SVOP: variants seen among roughly 807,000 people sequenced by gnomAD.
SVOP encodes SV2 related protein.
In SVOP, 17 loss-of-function variants were observed where a neutral mutation model predicts 69.1. The ratio of observed to expected loss-of-function variants is 0.25; its 90% CI spans 0.17 to 0.37. SVOP has a LOEUF of 0.37. SVOP is among the 10% of genes least tolerant of loss of function. The probability of loss-of-function intolerance (pLI) is 1.00; values close to 1 mark genes in which losing one functional copy is unlikely to be tolerated. For missense variants in SVOP, 435 were observed against 597.5 expected, an observed-to-expected ratio of 0.73 and a Z score of 2.84; for synonymous variants, 238 against 238.6, an observed-to-expected ratio of 1.00 and a Z score of 0.02.
chr12:108,978,427 A>G (rs1027291762), intron 3 of SVOP, 151 bp downstream of exon 3: 1 of 579,214 alleles, frequency 1.7e-6, no homozygotes, highest in African/African-American at 1.9e-5. Flanking sequence ...CGTTATCACC[A>G]CTTATTACGC....
intron 1 of SVOP, among the ~76,000 whole-genome samples, chr12:109,010,472 C>A (rs1466105075): frequency 6.6e-6 from 1 of 152,174 alleles, no homozygotes; most frequent in Non-Finnish European, 1.5e-5. Flanking sequence ...GGCCTCTTTT[C>A]AAGGAGACTT....
chr12:108,955,588 C>T (rs1181708136), intron 6 of SVOP, among the ~76,000 whole-genome samples: 2 of 152,216 alleles, frequency 1.3e-5, no homozygotes, highest in Non-Finnish European at 2.9e-5. Flanking sequence ...ACCATCCTTC[C>T]AGCCTCCCAA....
intron 5 of SVOP, among the ~76,000 whole-genome samples, chr12:108,969,237 C>G (rs888141007): frequency 4.0e-5 from 6 of 151,582 alleles, no homozygotes; most frequent in Admixed American, 2.0e-4. Context: ...TCCTTCCTTC[C>G]CTCCTCCTTC....
chr12:108,914,535 T>C (rs1222655347), intron 15 of SVOP, among the ~76,000 whole-genome samples: 1 of 152,196 alleles, frequency 6.6e-6, no homozygotes, highest in African/African-American at 2.4e-5. Flanking sequence ...TTTATTTGTT[T>C]TCCACTAAAT....
rs1051128437 is a variant in SVOP at position 108,908,966 on chromosome 12, C to T, written c.*3569G>A. 12 of 152,148 alleles carry T rather than the reference C, an allele frequency of 7.9e-5. No homozygotes were observed. The highest frequency in any genetic ancestry group is 2.9e-4 in the African/African-American group (12 of 41,428). The allele number at this position is 152,148 out of a possible 1,614,324, so 9.4% of individuals were successfully genotyped here. A position where few individuals can be genotyped will look rare whatever the true frequency, so the allele number is the denominator to read the frequency against. ...TCTGCCAGGGGACTTCCTTTTCTAA[C>T]CAAAACCAACAGACTCTTCTGAAAG... On this transcript the variant is annotated 3_prime_UTR_variant, in exon 16 of 16. Transcript: ENST00000610966.
chr12:108,989,587 T>A lies in SVOP; in HGVS notation c.36-5826A>T, dbSNP rs373376088. ...GCTGTTACACCCTCATATGAGTCAG[T>A]CCTTGGCCACACCACCCCCAGCAGT... On this transcript the variant is annotated intron_variant, in intron 1 of 15. Transcript: ENST00000610966. Among the ~76,000 whole-genome samples, 52 of 152,114 alleles carry A rather than the reference T, an allele frequency of 3.4e-4. No individual in the cohort carries two copies. The East Asian group carries it at 8.7e-3, about 26-fold the overall frequency.
chr12:108,974,359 G>T (rs978677976), intron 4 of SVOP, among the ~76,000 whole-genome samples: 1 of 152,086 alleles, frequency 6.6e-6, no homozygotes, highest in Admixed American at 6.6e-5. Flanking sequence ...GTGGTCTATT[G>T]TGTACTACTA....
chr12:108,966,866 GTGGACCC>G (rs2040048637), intron 5 of SVOP, among the ~76,000 whole-genome samples: 1 of 152,200 alleles, frequency 6.6e-6, no homozygotes, highest in Admixed American at 6.5e-5. Context: ...GGTTAAGGAT[GTGGACCC>G]TGGAGCCAGG....
At chr12:108,950,357 G>A (rs144361687) in intron 6 of SVOP, among the ~76,000 whole-genome samples, 5,260 of 150,620 alleles carry the variant, frequency 0.035, 611 homozygotes, top group Admixed American at 0.22. Context: ...GGAACTACAG[G>A]CATGAGCCAC....
At chr12:108,967,327 C>T (rs1283501920) in intron 5 of SVOP, among the ~76,000 whole-genome samples, 2 of 151,940 alleles carry the variant, frequency 1.3e-5, no homozygotes, top group East Asian at 1.9e-4. Flanking sequence ...GGTGAAACCC[C>T]GTCTCTACTA....
chr12:108,984,138 G>A (rs1286085080), intron 1 of SVOP, among the ~76,000 whole-genome samples: 2 of 152,058 alleles, frequency 1.3e-5, no homozygotes, highest in Non-Finnish European at 2.9e-5. Flanking sequence ...GTCATGTTAG[G>A]CCCACAAAAA....
At chr12:109,014,526 C>T (rs1007493592) in intron 1 of SVOP, among the ~76,000 whole-genome samples, 12 of 152,138 alleles carry the variant, frequency 7.9e-5, no homozygotes, top group African/African-American at 2.4e-4. Context: ...CTCTTCAATA[C>T]CCTGCTTCCC....
intron 15 of SVOP, among the ~76,000 whole-genome samples, chr12:108,913,643 G>C (rs1366281530): frequency 5.3e-5 from 8 of 152,078 alleles, no homozygotes. Context: ...ACACGGCAGA[G>C]CTGAGTCCCA....
intron 1 of SVOP, among the ~76,000 whole-genome samples, chr12:108,988,544 C>T (rs940769978): frequency 5.3e-5 from 8 of 152,194 alleles, no homozygotes; most frequent in African/African-American, 1.4e-4. Context: ...TCATATGATT[C>T]GAGAATTTAT....
rs141621553 is a variant in SVOP at position 108,994,408 on chromosome 12, C to T, written c.36-10647G>A. Among the ~76,000 whole-genome samples, 1,172 of 152,116 alleles carry T rather than the reference C, an allele frequency of 7.7e-3. 6 individuals carry two copies. The highest frequency in any genetic ancestry group is 0.012 in the Non-Finnish European group (812 of 67,988). Reference sequence around the variant, plus strand: ...ACTCAGGAGGCTGAGGCAGGAGAATCGCTTGAACCCGGGAGGCAGAGGTTG... The same window carrying T: ...ACTCAGGAGGCTGAGGCAGGAGAATTGCTTGAACCCGGGAGGCAGAGGTTG... On this transcript the variant is annotated intron_variant, in intron 1 of 15. Transcript: ENST00000610966.
Position 108,910,960 on chromosome 12 carries a change from G to A in SVOP, c.*1575C>T, listed in dbSNP as rs2039677974. The A allele has an allele frequency of 6.6e-6, 1 of 152,216 alleles. No homozygotes were observed. The highest frequency in any genetic ancestry group is 2.4e-5 in the African/African-American group (1 of 41,436). 9.4% of individuals were successfully genotyped at this position (152,216 alleles called of 1,614,324 possible). On this transcript the variant is annotated 3_prime_UTR_variant, in exon 16 of 16. Coordinates refer to ENST00000610966, the MANE Select transcript of SVOP (RefSeq NM_018711.5). ...CTTGCAATGTTTACTTCAAGCAGTA[G>A]GTCTGTCTGCTCTGGCCTTTGATGG...
intron 6 of SVOP, among the ~76,000 whole-genome samples, chr12:108,951,023 C>G (rs911198117): frequency 6.6e-6 from 1 of 152,206 alleles, no homozygotes; most frequent in African/African-American, 2.4e-5. Context: ...ATTTACAGCA[C>G]TGGGCAATTA....
intron 5 of SVOP, among the ~76,000 whole-genome samples, chr12:108,965,826 A>G (rs1415570545): frequency 6.6e-6 from 1 of 152,174 alleles, no homozygotes; most frequent in African/African-American, 2.4e-5. Context: ...AGGCACCTTC[A>G]CTTCCTTCTT....
At position 109,010,106 on chromosome 12, in the gene SVOP, A is replaced by G. The variant is rs1255688602; in HGVS notation, c.35+10728T>C. Among the ~76,000 whole-genome samples the G allele has an allele frequency of 2.0e-5, 3 of 149,192 alleles. No individual in the cohort carries two copies. The East Asian group carries it at 5.9e-4, about 29-fold the overall frequency. On this transcript the variant is annotated intron_variant, in intron 1 of 15. Coordinates refer to ENST00000610966, the MANE Select transcript of SVOP (RefSeq NM_018711.5). ...GCCACTGCACTCCAGCCTGGGCAAC[A>G]GAGAGAGACCCTCTCTCTCTCAAAA...
Sources: gnomAD v4.1 joint callset for allele counts (sites outside exome capture counted in the v4.1 genomes callset) on GRCh38, gnomAD v4.1.1 for gene constraint, MANE v1.5 for transcripts, NCBI Gene and HGNC (gene_info 2026-07-23, HGNC 2026-07-21) for gene names.